The following MIR2052HG variants were observed in gnomAD, a reference collection of about 807,000 sequenced individuals.
MIR2052HG encodes MIR2052 host gene.
chr8:74,632,946 G>A (rs984039160), intron 2 of MIR2052HG, among the ~76,000 whole-genome samples: 1 of 152,056 alleles, frequency 6.6e-6, no homozygotes, highest in Non-Finnish European at 1.5e-5. Flanking sequence ...CACTAGTCTG[G>A]TTCAACCTTC....
At chr8:74,678,612 A>T (rs931386193) in intron 2 of MIR2052HG, among the ~76,000 whole-genome samples, 1 of 151,140 alleles carries the variant, frequency 6.6e-6, no homozygotes, top group African/African-American at 2.4e-5. Context: ...ACAATTCCCA[A>T]GTCATTTAAT....
chr8:74,750,460 G>C (rs1240750398), intron 4 of MIR2052HG, among the ~76,000 whole-genome samples: 1 of 152,118 alleles, frequency 6.6e-6, no homozygotes, highest in East Asian at 1.9e-4. Flanking sequence ...CTGTGTATAT[G>C]ATACTCTGCT....
chr8:74,634,313 T>C (rs145692686), intron 2 of MIR2052HG, among the ~76,000 whole-genome samples: 8 of 152,260 alleles, frequency 5.3e-5, no homozygotes, highest in Admixed American at 4.6e-4. Context: ...AAGCTATTAA[T>C]TGAGGCAGAG....
intron 2 of MIR2052HG, among the ~76,000 whole-genome samples, chr8:74,684,566 T>C (rs1809160096): frequency 6.6e-6 from 1 of 151,938 alleles, no homozygotes; most frequent in African/African-American, 2.4e-5. Flanking sequence ...AATAATCGAA[T>C]CCACCAAAAA....
intron 2 of MIR2052HG, among the ~76,000 whole-genome samples, chr8:74,623,715 C>G (rs1808398385): frequency 6.6e-6 from 1 of 152,110 alleles, no homozygotes; most frequent in African/African-American, 2.4e-5. Flanking sequence ...GGTGTGTATT[C>G]AGTATGACAA....
intron 2 of MIR2052HG, among the ~76,000 whole-genome samples, chr8:74,648,381 G>A (rs140856218): frequency 0.02 from 3,019 of 152,218 alleles, 90 homozygotes; most frequent in African/African-American, 0.065. Context: ...GTCTGCTCTC[G>A]AACTCTGTTT....
intron 4 of MIR2052HG, among the ~76,000 whole-genome samples, chr8:74,744,206 G>A (rs527887358): frequency 7.9e-5 from 12 of 151,834 alleles, no homozygotes; most frequent in Middle Eastern, 6.8e-3. Flanking sequence ...TATGTCACCA[G>A]TGTCTATCCA....
At chr8:74,679,731 G>A (rs553444710) in intron 2 of MIR2052HG, among the ~76,000 whole-genome samples, 73 of 151,736 alleles carry the variant, frequency 4.8e-4, no homozygotes, top group Non-Finnish European at 5.4e-4. Context: ...TAGTAGAGAT[G>A]GGGTTTCACC....
rs1010914035 is a variant in MIR2052HG, at chr8:74,714,681, A to G, written n.371+10999A>G. Among the ~76,000 whole-genome samples the G allele has an allele frequency of 4.9e-4, 72 of 147,758 alleles. 1 individual carries two copies. The highest frequency in any genetic ancestry group is 1.7e-3 in the African/African-American group (69 of 40,506). ...CTCAGTAATGAAAGCCTTCTTTGGG[A>G]GACCTCCTTTTTCCTTCTTTTTTTT... On this transcript the variant is annotated intron_variant and non_coding_transcript_variant, in intron 4 of 6. Transcript: ENST00000523442.
At chr8:74,656,498 C>T (rs773684629) in intron 2 of MIR2052HG, among the ~76,000 whole-genome samples, 3 of 152,160 alleles carry the variant, frequency 2.0e-5, no homozygotes, top group African/African-American at 7.2e-5. Context: ...TCATGGGTTT[C>T]CTCTAGCTTC....
At chr8:74,619,673 A>G (rs752210992) in intron 2 of MIR2052HG, among the ~76,000 whole-genome samples, 7 of 152,198 alleles carry the variant, frequency 4.6e-5, no homozygotes, top group Non-Finnish European at 1.0e-4. Flanking sequence ...CATTATCACA[A>G]GAACAGAATA....
intron 5 of MIR2052HG, among the ~76,000 whole-genome samples, chr8:74,755,674 G>C (rs541387360): frequency 6.6e-6 from 1 of 152,210 alleles, no homozygotes; most frequent in East Asian, 1.9e-4. Context: ...CTGTTTCCCT[G>C]TCTTGGTTCA....
At chr8:74,656,332 C>A (rs901804749) in intron 2 of MIR2052HG, among the ~76,000 whole-genome samples, 2 of 152,088 alleles carry the variant, frequency 1.3e-5, no homozygotes, top group African/African-American at 4.8e-5. Flanking sequence ...CATAGTTTGG[C>A]TGTGTCCCCA....
At chr8:74,752,417 G>A (rs954584132) in intron 4 of MIR2052HG, 1 of 451,252 alleles carries the variant, frequency 2.2e-6, no homozygotes, top group Non-Finnish European at 4.4e-6. Context: ...TTTTCATTTT[G>A]TGTCTGTGAA....
chr8:74,685,427 G>C (rs1322976621), intron 2 of MIR2052HG, among the ~76,000 whole-genome samples: 1 of 152,056 alleles, frequency 6.6e-6, no homozygotes, highest in African/African-American at 2.4e-5. Context: ...AACTACAAAG[G>C]AAACAGTAGA....
At chr8:74,697,610 T>C (rs115412908) in intron 2 of MIR2052HG, among the ~76,000 whole-genome samples, 2,128 of 152,242 alleles carry the variant, frequency 0.014, 36 homozygotes, top group African/African-American at 0.049. Flanking sequence ...CTGGAACTGA[T>C]AAATGAATTC....
intron 2 of MIR2052HG, among the ~76,000 whole-genome samples, chr8:74,690,629 C>T (rs1809230185): frequency 6.6e-6 from 1 of 150,982 alleles, no homozygotes; most frequent in Non-Finnish European, 1.5e-5. Flanking sequence ...CCAGCCTGGG[C>T]GACAGAGGGA....
chr8:74,721,592 T>A (rs2128754118), intron 4 of MIR2052HG, among the ~76,000 whole-genome samples: 1 of 152,284 alleles, frequency 6.6e-6, no homozygotes, highest in East Asian at 1.9e-4. Context: ...TGTCAGGGAC[T>A]CTCTATGAGG....
intron 1 of MIR2052HG, among the ~76,000 whole-genome samples, chr8:74,600,481 C>T (rs900550899): frequency 6.7e-6 from 1 of 150,060 alleles, no homozygotes; most frequent in Non-Finnish European, 1.5e-5. Flanking sequence ...TACTCGGAGG[C>T]TGAGGCAGGA....
Sources: gnomAD v4.1 joint callset for allele counts (sites outside exome capture counted in the v4.1 genomes callset) on GRCh38, gnomAD v4.1.1 for gene constraint, MANE v1.5 for transcripts, NCBI Gene and HGNC (gene_info 2026-07-23, HGNC 2026-07-21) for gene names.